The following WDR62 variants were observed in gnomAD, a reference collection of about 807,000 sequenced individuals.
The protein encoded by WDR62 is WD repeat-containing protein 62.
WDR62 carries 112 observed loss-of-function variants against 160.6 expected under a neutral mutation model. The ratio of observed to expected loss-of-function variants is 0.70; its 90% confidence interval spans 0.60 to 0.82. WDR62 has a LOEUF of 0.82. Among genes scored for constraint, WDR62 ranks in the 40% least tolerant of loss-of-function variants. WDR62 has a pLI of 0.00. For missense variants in WDR62, 1,819 were observed against 1,983.8 expected (o/e 0.92, Z 1.58); for synonymous variants, 792 against 815.1 (o/e 0.97, Z 0.48).
In WDR62 at chr19:36,102,248, G is replaced by A. The variant is rs1973404852; in HGVS notation, c.3220+97G>A. On this transcript the variant is annotated intron_variant, in intron 26 of 31. Coordinates refer to ENST00000401500, the MANE Select transcript of WDR62 (RefSeq NM_001083961.2). Reference sequence around the variant, plus strand: ...GTTGGCTCCCCAGCAGGGCCAGGAGGGTGAGTGGAGAGCAACTGCTTCGTT... The same window carrying A: ...GTTGGCTCCCCAGCAGGGCCAGGAGAGTGAGTGGAGAGCAACTGCTTCGTT... The A allele has an allele frequency of 9.0e-6, 14 of 1,561,820 alleles. No individual in the cohort carries two copies. In the Admixed American group the frequency reaches 1.2e-4, roughly 13 times the overall value.
intron 26 of WDR62, 60 bp downstream of exon 26, chr19:36,102,211 G>A: frequency 2.5e-6 from 4 of 1,612,882 alleles, no homozygotes; most frequent in Non-Finnish European, 3.4e-6. Context: ...GCACAGCATT[G>A]GCGTCCCTGG....
chr19:36,086,884 C>T, intron 13 of WDR62, 72 bp downstream of exon 13: 2 of 1,551,686 alleles, frequency 1.3e-6, no homozygotes, highest in Non-Finnish European at 1.8e-6. Flanking sequence ...TCTTTCAACT[C>T]TCCTGTAAAA....
At position 36,092,859 on chromosome 19, in the gene WDR62, G is replaced by A. The variant is rs745987105; in HGVS notation, c.2333+48G>A. Reference sequence around the variant, plus strand: ...CACCAGAGGGATGAGTCCCTGCCAGGGCCCCATGGAGTGATGCTGGGGACA... The same window carrying A: ...CACCAGAGGGATGAGTCCCTGCCAGAGCCCCATGGAGTGATGCTGGGGACA... On this transcript the variant is annotated intron_variant, in intron 19 of 31. Transcript: ENST00000401500. The A allele has an allele frequency of 3.7e-6, 6 of 1,612,700 alleles. No individual in the cohort carries two copies. The African/African-American group carries it at 5.3e-5, about 14-fold the overall frequency.
intron 20 of WDR62, 77 bp from the exon 21 acceptor site, chr19:36,096,950 T>TG (rs1182304603): frequency 7.1e-7 from 1 of 1,402,952 alleles, no homozygotes. Flanking sequence ...GTTGCCTCTT[T>TG]GGGGACTGCC....
chr19:36,103,066 A>G lies in WDR62; in HGVS notation c.3454A>G (p.Arg1152Gly), dbSNP rs1973479549. The change falls in exon 28 of 32, where the codon AGG becomes GGG. Residue 1152 changes from arginine to glycine, a missense_variant. Coordinates refer to ENST00000401500, the MANE Select transcript of WDR62 (RefSeq NM_001083961.2). ...RAGTGYASPD[R>G]THVLAAGKAE... ...AGGTACTGGCTACGCCTCCCCAGAC[A>G]GGACCCACGTGAGTATTGGGCCCAC... 6.2e-7 allele frequency: 1 copy of G among 1,614,090 alleles called. No homozygotes were observed. The highest frequency in any genetic ancestry group is 8.5e-7 in the Non-Finnish European group (1 of 1,180,036).
At chr19:36,080,965 CTGTT>C (rs758931250) in intron 9 of WDR62, among the ~76,000 whole-genome samples, 27 of 151,966 alleles carry the variant, frequency 1.8e-4, no homozygotes, top group African/African-American at 5.3e-4. Context: ...GTTTGTCTGT[CTGTT>C]TGTTTTGAGA....
chr19:36,111,087 G>C, the WDR62 span: 1 of 974,886 alleles, frequency 1.0e-6, no homozygotes, highest in East Asian at 2.7e-5. Flanking sequence ...TTTGCATGAA[G>C]AGAATGAGGT....
rs776107564 is a variant in WDR62 at position 36,073,410 on chromosome 19, A to G, written c.1112A>G (p.His371Arg). 3 of 1,614,016 alleles carry G rather than the reference A, an allele frequency of 1.9e-6. No homozygotes were observed. The highest frequency in any genetic ancestry group is 1.1e-5 in the South Asian group (1 of 91,084). The change falls in exon 9 of 32, where the codon CAC becomes CGC. Residue 371 changes from histidine to arginine, a missense_variant. Transcript: ENST00000401500. Reference sequence around the variant, plus strand: ...GTGGCACTGACCTTCGACCCCATCCACCAGTGGCTGTCCTGCGTGTATAAG... The same window carrying G: ...GTGGCACTGACCTTCGACCCCATCCGCCAGTGGCTGTCCTGCGTGTATAAG... The part of the protein sequence containing the change: ...DTVALTFDPI[H>R]QWLSCVYKDH...
chr19:36,058,522 A>G (rs1346690946), intron 1 of WDR62, among the ~76,000 whole-genome samples: 2 of 152,160 alleles, frequency 1.3e-5, no homozygotes, highest in Non-Finnish European at 2.9e-5. Context: ...TCTATGTTCT[A>G]CATACCCATC....
At chr19:36,073,570 C>A in intron 9 of WDR62, 39 bp downstream of exon 9, 1 of 1,434,754 alleles carries the variant, frequency 7.0e-7, no homozygotes, top group Non-Finnish European at 9.5e-7. Flanking sequence ...TGCTTGGCCT[C>A]TGCACAGTTC....
At chr19:36,071,817 A>G (rs1971316842) in intron 8 of WDR62, 101 bp downstream of exon 8, 1 of 1,425,628 alleles carries the variant, frequency 7.0e-7, no homozygotes, top group African/African-American at 1.4e-5. Flanking sequence ...TGTCCATCCC[A>G]CAAATACCCA....
Position 36,060,296 on chromosome 19 carries a change from G to A in WDR62, c.332+266G>A, listed in dbSNP as rs1970581463. The A allele has an allele frequency of 2.0e-5, 10 of 503,326 alleles. No individual in the cohort carries two copies. In the Admixed American group the frequency reaches 2.9e-4, roughly 15 times the overall value. 31.2% of individuals were successfully genotyped at this position (503,326 alleles called of 1,614,324 possible). On this transcript the variant is annotated intron_variant, in intron 3 of 31. Transcript: ENST00000401500. ...GGCTGATCATGATCAGTGCTATGGA[G>A]GAAATGATGGAGGATGTCTTCGGGC...
intron 12 of WDR62, 116 bp from the exon 13 acceptor site, chr19:36,086,571 T>G: frequency 8.8e-6 from 12 of 1,358,844 alleles, no homozygotes; most frequent in Non-Finnish European, 1.2e-5. Flanking sequence ...TTGGCTACAG[T>G]TGAAGAACCA....
At chr19:36,055,950 C>G (rs1284348251) in intron 1 of WDR62, among the ~76,000 whole-genome samples, 1 of 152,154 alleles carries the variant, frequency 6.6e-6, no homozygotes, top group Non-Finnish European at 1.5e-5. Flanking sequence ...GGGCTGTTCA[C>G]CTGAGATCAG....
At chr19:36,082,668 T>C (rs181990325) in intron 10 of WDR62, among the ~76,000 whole-genome samples, 1 of 152,318 alleles carries the variant, frequency 6.6e-6, no homozygotes, top group African/African-American at 2.4e-5. Context: ...ATGAAAGTAG[T>C]CTGAAGGTAA....
At chr19:36,067,674 C>G (rs1599760527) in intron 6 of WDR62, among the ~76,000 whole-genome samples, 154 bp from the exon 7 acceptor site, 1 of 152,236 alleles carries the variant, frequency 6.6e-6, no homozygotes, top group East Asian at 1.9e-4. Flanking sequence ...GCTGTCCAGC[C>G]CCTCTGTCCA....
chr19:36,076,572 GAAAAAA>G (rs943455289), intron 9 of WDR62, among the ~76,000 whole-genome samples: 1 of 149,476 alleles, frequency 6.7e-6, no homozygotes, highest in African/African-American at 2.5e-5. Flanking sequence ...AAAAAAAAAA[GAAAAAA>G]GAGAAAGAGA....
Position 36,101,224 on chromosome 19 carries a change from A to C in WDR62, c.2878A>C (p.Arg960=), listed in dbSNP as rs1973312605. The C allele has an allele frequency of 6.2e-7, 1 of 1,612,562 alleles. No homozygotes were observed. Among genetic ancestry groups the C allele is most frequent in the Admixed American group, 1.7e-5 (1 of 59,844 alleles). ...TVTGTDSQYC[R]KEVEAGPGDQ... ...CCACTGGCACTGCAGCCAGTATTGC[A>C]GGAAGGAGGTGGAGGCCGGGCCTGG... The change falls in exon 24 of 32, where the codon AGG becomes CGG. Residue 960 remains arginine, a synonymous_variant. Coordinates refer to ENST00000401500, the MANE Select transcript of WDR62 (RefSeq NM_001083961.2).
At chr19:36,086,894 A>G (rs539152152) in intron 13 of WDR62, 82 bp downstream of exon 13, 19 of 1,524,850 alleles carry the variant, frequency 1.2e-5, no homozygotes, top group East Asian at 4.9e-5. Flanking sequence ...CTCCTGTAAA[A>G]TATATATCCA....
Sources: allele counts gnomAD v4.1 joint callset (sites outside exome capture counted in the v4.1 genomes callset), GRCh38; gene constraint gnomAD v4.1.1; transcripts MANE v1.5; gene names NCBI Gene and HGNC (gene_info 2026-07-23, HGNC 2026-07-21).